MTMR10: variants seen among roughly 807,000 people sequenced by gnomAD.
MTMR10 encodes myotubularin related protein 10.
In MTMR10, 56 loss-of-function variants were observed where a neutral mutation model predicts 88.1. The observed-to-expected ratio is 0.64, with a 90% CI of 0.51 to 0.79. The LOEUF (loss-of-function observed/expected upper bound fraction) is 0.79, where lower values mean the gene tolerates loss of function less well. Among genes scored for constraint, MTMR10 ranks in the 30% least tolerant of loss-of-function variants. MTMR10 has a pLI of 0.00. For synonymous variants in MTMR10, 380 were observed against 340.9 expected, an observed-to-expected ratio of 1.11 and a Z score of -1.26; for missense variants, 883 against 924.7, an observed-to-expected ratio of 0.95 and a Z score of 0.58.
intron 15 of MTMR10, 192 bp from the exon 16 acceptor site, chr15:30,942,264 C>T: frequency 1.4e-6 from 1 of 699,290 alleles, no homozygotes; most frequent in African/African-American, 1.8e-5. Flanking sequence ...TGTGTTGACT[C>T]TACCTAGGCT....
chr15:30,919,730 A>G, the MTMR10 span, among the ~76,000 whole-genome samples: 291 of 152,134 alleles, frequency 1.9e-3, no homozygotes, highest in African/African-American at 6.7e-3. Context: ...AGGAAGAGAA[A>G]ACATATTTAC....
chr15:30,934,171 C>T (rs140792189), downstream of MTMR10, among the ~76,000 whole-genome samples: 705 of 152,164 alleles, frequency 4.6e-3, 6 homozygotes, highest in African/African-American at 0.016. Context: ...TATGCAGTGA[C>T]CCCCCCTTTA....
the MTMR10 span, chr15:30,927,840 C>G: frequency 1.0e-6 from 1 of 985,578 alleles, no homozygotes; most frequent in African/African-American, 1.7e-5. Flanking sequence ...CCAAGGCTGA[C>G]CCCCTCATCC....
chr15:30,953,763 A>T, intron 10 of MTMR10, 132 bp from the exon 11 acceptor site: 1 of 607,664 alleles, frequency 1.6e-6, no homozygotes, highest in Non-Finnish European at 2.9e-6. Flanking sequence ...CACTTTAATA[A>T]CATGGAATAA....
intron 5 of MTMR10, among the ~76,000 whole-genome samples, chr15:30,969,114 G>A (rs1415198569): frequency 6.6e-6 from 1 of 152,070 alleles, no homozygotes; most frequent in Non-Finnish European, 1.5e-5. Flanking sequence ...TGTTTGGAGT[G>A]GGTTGATGCA....
chr15:30,982,790 G>A (rs2030666324), intron 2 of MTMR10, among the ~76,000 whole-genome samples: 1 of 152,132 alleles, frequency 6.6e-6, no homozygotes, highest in African/African-American at 2.4e-5. Flanking sequence ...TAGCACAGCT[G>A]TCTGCTCACG....
At chr15:30,990,737 C>T (rs764785787) in intron 2 of MTMR10, 40 bp downstream of exon 2, 47 of 1,550,910 alleles carry the variant, frequency 3.0e-5, no homozygotes, top group Middle Eastern at 1.7e-4. Context: ...AACCAAAATA[C>T]GTTGCTAAAG....
At chr15:30,974,487 A>C in intron 4 of MTMR10, 31 bp from the exon 5 acceptor site, 1 of 1,483,610 alleles carries the variant, frequency 6.7e-7, no homozygotes, top group Non-Finnish European at 9.0e-7. Context: ...GAGAAAATAA[A>C]ATGCGTAACA....
At position 30,940,115 on chromosome 15, in the gene MTMR10, C is replaced by G. The variant is rs1474868332; in HGVS notation, c.*1355G>C. 1.1e-5 allele frequency: 11 copies of G among 985,224 alleles called. No homozygotes were observed. Among genetic ancestry groups the G allele is most frequent in the Non-Finnish European group, 1.3e-5 (11 of 829,876 alleles). The allele number at this position is 985,224 out of a possible 1,614,324, so 61.0% of individuals were successfully genotyped here. A position where few individuals can be genotyped will look rare whatever the true frequency, so the allele number is the denominator to read the frequency against. Reference sequence around the variant, plus strand: ...ACTTTACTATAAAAATTTTCCATATCTTAGGATGGCAGTTTAAGAAACAGT... The same window carrying G: ...ACTTTACTATAAAAATTTTCCATATGTTAGGATGGCAGTTTAAGAAACAGT... On this transcript the variant is annotated 3_prime_UTR_variant, in exon 16 of 16. Coordinates refer to ENST00000435680, the MANE Select transcript of MTMR10 (RefSeq NM_017762.3).
intron 12 of MTMR10, among the ~76,000 whole-genome samples, chr15:30,951,353 C>G (rs72710424): frequency 0.034 from 5,134 of 152,154 alleles, 133 homozygotes; most frequent in South Asian, 0.13. Flanking sequence ...AGCAAAATTA[C>G]AGAGAGAGAA....
chr15:30,981,243 G>A (rs1489269142), intron 2 of MTMR10, among the ~76,000 whole-genome samples: 2 of 152,230 alleles, frequency 1.3e-5, no homozygotes, highest in African/African-American at 2.4e-5. Flanking sequence ...CCAGGAAGTG[G>A]AGCTTAATTC....
At chr15:30,942,293 G>C in intron 15 of MTMR10, 1 of 612,718 alleles carries the variant, frequency 1.6e-6, no homozygotes, top group Non-Finnish European at 2.8e-6. Context: ...CAGCCTGAAT[G>C]GGGGCGGGAT....
rs1164866538 is a variant in MTMR10 at position 30,941,336 on chromosome 15, TA to T, written c.*133del. On this transcript the variant is annotated 3_prime_UTR_variant, in exon 16 of 16. Coordinates refer to ENST00000435680, the MANE Select transcript of MTMR10 (RefSeq NM_017762.3). ...AAAGAAGCATGATTCAACATGTTTT[TA>T]AATATTAGTGCAAATTCCAACTATT... The T allele has an allele frequency of 2.6e-6, 4 of 1,533,680 alleles. No individual in the cohort carries two copies. In the African/African-American group the frequency reaches 5.5e-5, roughly 21 times the overall value.
chr15:30,934,854 CT>C (rs1412807005), downstream of MTMR10, among the ~76,000 whole-genome samples: 1 of 152,140 alleles, frequency 6.6e-6, no homozygotes, highest in Admixed American at 6.5e-5. Flanking sequence ...CCCTTCCAGC[CT>C]TTGTGGTGTT....
At chr15:30,932,789 T>C in the MTMR10 span, among the ~76,000 whole-genome samples, 1 of 149,542 alleles carries the variant, frequency 6.7e-6, no homozygotes, top group African/African-American at 2.4e-5. Context: ...GTTAGCTCAC[T>C]GCAACTTCCG....
At chr15:30,935,130 G>C (rs745844128), downstream of MTMR10, among the ~76,000 whole-genome samples, 1 of 151,874 alleles carries the variant, frequency 6.6e-6, no homozygotes, top group Non-Finnish European at 1.5e-5. Flanking sequence ...AACACAGTGA[G>C]ACCTCATCTC....
Position 30,939,598 on chromosome 15 carries a change from T to TAATA in MTMR10, c.*1868_*1871dup. 1.1e-6 allele frequency: 1 copy of TAATA among 927,034 alleles called. No homozygotes were observed. The highest frequency in any genetic ancestry group is 1.2e-4 in the East Asian group (1 of 8,514). The allele number at this position is 927,034 out of a possible 1,614,324, so 57.4% of individuals were successfully genotyped here. A position where few individuals can be genotyped will look rare whatever the true frequency, so the allele number is the denominator to read the frequency against. On this transcript the variant is annotated 3_prime_UTR_variant, in exon 16 of 16. Coordinates refer to ENST00000435680, the MANE Select transcript of MTMR10 (RefSeq NM_017762.3). ...GCATTTTTCTATTTTTAACCATTATTAATAGTACCTAATATTTTTAAACTT... is the reference window on the plus strand; with the variant it reads ...GCATTTTTCTATTTTTAACCATTATTAATAAATAGTACCTAATATTTTTAAACTT...
chr15:30,933,313 G>T, the MTMR10 span, among the ~76,000 whole-genome samples: 3 of 152,240 alleles, frequency 2.0e-5, no homozygotes, highest in South Asian at 6.2e-4. Flanking sequence ...CACAAATTTA[G>T]TAGTTGTTTT....
In MTMR10 at chr15:30,991,590, G is replaced by A. The variant is rs769075861; in HGVS notation, c.-84C>T. 4 of 1,450,250 alleles carry A rather than the reference G, an allele frequency of 2.8e-6. No homozygotes were observed. Among genetic ancestry groups the A allele is most frequent in the Admixed American group, 6.1e-5 (2 of 33,044 alleles). The allele number at this position is 1,450,250 out of a possible 1,614,324, so 89.8% of individuals were successfully genotyped here. ...CGGGCGTAAAGCTCTCAGTGCGGCC[G>A]CCCAGGCCCTTTCTGCGGCCAGCCG... On this transcript the variant is annotated 5_prime_UTR_variant, in exon 1 of 16. Transcript: ENST00000435680.
Sources: gnomAD v4.1 joint callset for allele counts (sites outside exome capture counted in the v4.1 genomes callset) on GRCh38, gnomAD v4.1.1 for gene constraint, MANE v1.5 for transcripts, NCBI Gene and HGNC (gene_info 2026-07-23, HGNC 2026-07-21) for gene names.